ARHGAP28: variants seen among roughly 807,000 people sequenced by gnomAD.
ARHGAP28 encodes Rho GTPase activating protein 28.
Under a neutral mutation model 90.7 loss-of-function variants are expected in ARHGAP28, and 56 were observed. The ratio of observed to expected loss-of-function variants is 0.62; its 90% CI spans 0.50 to 0.77. The LOEUF is 0.77. Ranked by LOEUF, ARHGAP28 falls within the 30% of genes least tolerant of loss-of-function variation. The probability of loss-of-function intolerance (pLI) is 0.00; values close to 1 mark genes in which losing one functional copy is unlikely to be tolerated. For missense variants in ARHGAP28, 869 were observed against 900.9 expected (o/e 0.96, Z 0.45); for synonymous variants, 308 against 323.3 (o/e 0.95, Z 0.51).
At chr18:6,811,863 A>G (rs1189149572) in intron 1 of ARHGAP28, among the ~76,000 whole-genome samples, 2 of 152,192 alleles carry the variant, frequency 1.3e-5, no homozygotes, top group African/African-American at 4.8e-5. Context: ...CAATGAATTA[A>G]TATCAATCCA....
chr18:6,898,804 T>A, intron 16 of ARHGAP28: 1 of 1,158,822 alleles, frequency 8.6e-7, no homozygotes, highest in South Asian at 2.8e-5. Flanking sequence ...AAACATCATA[T>A]GTTCTCACTC....
intron 17 of ARHGAP28, among the ~76,000 whole-genome samples, chr18:6,910,540 C>G (rs188269429): frequency 3.7e-4 from 57 of 152,252 alleles, no homozygotes; most frequent in Admixed American, 1.4e-3. Context: ...CAGACAGCCT[C>G]ACTTCTCAGT....
In ARHGAP28 at chr18:6,772,451, A is replaced by C. The variant is rs572992408; in HGVS notation, c.122+42508A>C. Among the ~76,000 whole-genome samples the C allele has an allele frequency of 5.9e-5, 9 of 152,358 alleles. No individual in the cohort carries two copies. In the South Asian group the frequency reaches 1.9e-3, roughly 32 times the overall value. ...GGATCTTTTTACTTTACAATAGTGC[A>C]AAAGTGACATGTGTTCTGTAGAGAC... On this transcript the variant is annotated intron_variant, in intron 1 of 17. Coordinates refer to ENST00000383472, the MANE Select transcript of ARHGAP28 (RefSeq NM_001366230.1).
At chr18:6,752,350 A>T (rs2056076390) in intron 1 of ARHGAP28, among the ~76,000 whole-genome samples, 1 of 152,216 alleles carries the variant, frequency 6.6e-6, no homozygotes, top group South Asian at 2.1e-4. Context: ...ATTATAAATT[A>T]TTGGGAACTC....
At chr18:6,770,832 T>C (rs2056236882) in intron 1 of ARHGAP28, among the ~76,000 whole-genome samples, 2 of 152,082 alleles carry the variant, frequency 1.3e-5, no homozygotes, top group South Asian at 4.1e-4. Flanking sequence ...AACCTTGAAT[T>C]CAGAAAAACA....
At chr18:6,739,645 T>TTCTCTCTC (rs138884918) in intron 1 of ARHGAP28, among the ~76,000 whole-genome samples, 1,497 of 145,026 alleles carry the variant, frequency 0.01, 7 homozygotes, top group Non-Finnish European at 0.016. Context: ...TGACTAAGCT[T>TTCTCTCTC]TCTCTCTCTC....
intron 3 of ARHGAP28, among the ~76,000 whole-genome samples, chr18:6,838,560 C>T (rs188576724): frequency 2.0e-5 from 3 of 152,170 alleles, no homozygotes; most frequent in Admixed American, 6.5e-5. Flanking sequence ...CTACTTCTGT[C>T]CAGTATGGTA....
At chr18:6,910,135 A>G (rs752700886) in intron 17 of ARHGAP28, among the ~76,000 whole-genome samples, 15 of 151,372 alleles carry the variant, frequency 9.9e-5, no homozygotes, top group Non-Finnish European at 2.2e-4. Context: ...TCACCAGACA[A>G]CTCGTCTGTT....
intron 4 of ARHGAP28, among the ~76,000 whole-genome samples, chr18:6,853,595 C>T (rs576338239): frequency 6.6e-6 from 1 of 152,120 alleles, no homozygotes; most frequent in Admixed American, 6.5e-5. Context: ...GCCTCAGCCT[C>T]CCAAGTAGCT....
rs2057255680 is a variant in ARHGAP28, at chr18:6,890,434, C to T, written c.1739C>T (p.Pro580Leu). The change falls in exon 14 of 18, where the codon CCA becomes CTA. Residue 580 changes from proline to leucine, a missense_variant. Pro to Leu is a moderately conservative substitution (Grantham distance 98). Transcript: ENST00000383472. Reference sequence around the variant, plus strand: ...CAAGCTATTTTTCTTCTCCAGGTTCCATCTTTCTTAATCACTCAAGTAAGA... The same window carrying T: ...CAAGCTATTTTTCTTCTCCAGGTTCTATCTTTCTTAATCACTCAAGTAAGA... ...LKYQKILWKVPSFLITQVRRM... is the reference protein window; with the variant it reads ...LKYQKILWKVLSFLITQVRRM... The T allele has an allele frequency of 1.9e-6, 3 of 1,601,408 alleles. No individual in the cohort carries two copies. Among genetic ancestry groups the T allele is most frequent in the Non-Finnish European group, 2.6e-6 (3 of 1,170,896 alleles).
At chr18:6,735,187 T>A (rs1189881869) in intron 1 of ARHGAP28, among the ~76,000 whole-genome samples, 1 of 152,210 alleles carries the variant, frequency 6.6e-6, no homozygotes, top group African/African-American at 2.4e-5. Flanking sequence ...CTTAAGAAAC[T>A]TGCAAAAGTA....
intron 14 of ARHGAP28, among the ~76,000 whole-genome samples, chr18:6,892,087 T>A (rs2037451655): frequency 1.3e-5 from 2 of 152,186 alleles, no homozygotes; most frequent in Admixed American, 6.5e-5. Flanking sequence ...TACTTTTATT[T>A]AGAAATGAAA....
chr18:6,776,069 A>G (rs1010429928), intron 1 of ARHGAP28, among the ~76,000 whole-genome samples: 5 of 152,208 alleles, frequency 3.3e-5, no homozygotes, highest in Admixed American at 6.5e-5. Context: ...CCTGAAGACA[A>G]TGGACACAGT....
At chr18:6,803,682 T>C (rs957578596) in intron 1 of ARHGAP28, among the ~76,000 whole-genome samples, 3 of 152,094 alleles carry the variant, frequency 2.0e-5, no homozygotes, top group Non-Finnish European at 4.4e-5. Context: ...ATAAATTATC[T>C]TTTTCTTAAA....
chr18:6,769,258 G>C (rs562740934), intron 1 of ARHGAP28, among the ~76,000 whole-genome samples: 52 of 151,924 alleles, frequency 3.4e-4, no homozygotes, highest in African/African-American at 1.2e-3. Flanking sequence ...TGTGGCTCCT[G>C]CTCCTCCCAG....
At chr18:6,775,839 TTA>T (rs2056279172) in intron 1 of ARHGAP28, among the ~76,000 whole-genome samples, 1 of 152,230 alleles carries the variant, frequency 6.6e-6, no homozygotes. Flanking sequence ...CAGACAAATT[TTA>T]TGAGGCCCTT....
Position 6,868,171 on chromosome 18 carries a change from G to A in ARHGAP28, c.748G>A (p.Val250Ile). 3 of 1,614,068 alleles carry A rather than the reference G, an allele frequency of 1.9e-6. No homozygotes were observed. The highest frequency in any genetic ancestry group is 1.7e-6 in the Non-Finnish European group (2 of 1,179,998). Residue 250 changes from valine to isoleucine, a missense_variant, in exon 6 of 18, where the codon GTT becomes ATT. By Grantham distance (29) the Val-to-Ile change is conservative. Transcript: ENST00000383472. ...GCAGGCTATACTTGAGACCATTCCA[G>A]TTCTACCAGTTCATTCCAATGGATC... ...DSVAILETIP[V>I]LPVHSNGSPE...
chr18:6,827,546 C>A (rs1490305818), intron 2 of ARHGAP28, among the ~76,000 whole-genome samples: 2 of 140,498 alleles, frequency 1.4e-5, no homozygotes, highest in Non-Finnish European at 3.1e-5. Context: ...GGGGGGCTGA[C>A]CCCCCCACCT....
intron 3 of ARHGAP28, among the ~76,000 whole-genome samples, chr18:6,838,702 CAT>C (rs2056773112): frequency 6.6e-6 from 1 of 152,172 alleles, no homozygotes; most frequent in African/African-American, 2.4e-5. Flanking sequence ...TATTGAATAA[CAT>C]AGTTCTAGAA....
Sources: gnomAD v4.1 joint callset for allele counts (sites outside exome capture counted in the v4.1 genomes callset) on GRCh38, gnomAD v4.1.1 for gene constraint, MANE v1.5 for transcripts, NCBI Gene and HGNC (gene_info 2026-07-23, HGNC 2026-07-21) for gene names.